CLSTN1: variants seen among roughly 807,000 people sequenced by gnomAD.
The protein encoded by CLSTN1 is calsyntenin-1.
In CLSTN1, 28 loss-of-function variants were observed where a neutral mutation model predicts 108.3. The ratio of observed to expected loss-of-function variants is 0.26; its 90% CI spans 0.19 to 0.35. CLSTN1 has a LOEUF of 0.35. Ranked by LOEUF, CLSTN1 falls within the 10% of genes least tolerant of loss-of-function variation. The probability of loss-of-function intolerance (pLI) is 1.00; values close to 1 mark genes in which losing one functional copy is unlikely to be tolerated. For missense variants in CLSTN1, 1,157 were observed against 1,302.6 expected, an observed-to-expected ratio of 0.89 and a Z score of 1.72; for synonymous variants, 524 against 534.9, an observed-to-expected ratio of 0.98 and a Z score of 0.28.
intron 1 of CLSTN1, among the ~76,000 whole-genome samples, chr1:9,802,822 G>C: frequency 9.2e-6 from 1 of 108,950 alleles, no homozygotes; most frequent in East Asian, 3.1e-4. Flanking sequence ...GATTTTCTTA[G>C]ATTTTTTTTT....
At chr1:9,809,968 G>A (rs906394342) in intron 1 of CLSTN1, among the ~76,000 whole-genome samples, 13 of 146,264 alleles carry the variant, frequency 8.9e-5, no homozygotes, top group Admixed American at 4.9e-4. Context: ...GAACCTGGGA[G>A]GCAGAGGCTG....
chr1:9,810,147 G>GGGAGGGAAGGGGGCAGGGAGGGA (rs201979365), intron 1 of CLSTN1, among the ~76,000 whole-genome samples: 1 of 3,382 alleles, frequency 3.0e-4, no homozygotes, highest in Non-Finnish European at 7.1e-4. Context: ...GAGGAAAGGA[G>GGGAGGGAAGGGGGCAGGGAGGGA]GGGAAGGAGG....
At chr1:9,817,291 T>C (rs1181996309) in intron 1 of CLSTN1, among the ~76,000 whole-genome samples, 1 of 152,172 alleles carries the variant, frequency 6.6e-6, no homozygotes, top group African/African-American at 2.4e-5. Flanking sequence ...TATCACATAC[T>C]TCTTATTGGG....
intron 2 of CLSTN1, among the ~76,000 whole-genome samples, chr1:9,769,196 C>T (rs72855710): frequency 0.012 from 1,851 of 151,772 alleles, 36 homozygotes; most frequent in African/African-American, 0.042. Context: ...AGGGATACGG[C>T]TGCAGGTCAG....
At chr1:9,808,979 G>A (rs1196882294) in intron 1 of CLSTN1, among the ~76,000 whole-genome samples, 1 of 151,852 alleles carries the variant, frequency 6.6e-6, no homozygotes, top group Non-Finnish European at 1.5e-5. Context: ...TCAGGCCTAA[G>A]CAACAACCAG....
intron 2 of CLSTN1, among the ~76,000 whole-genome samples, chr1:9,763,689 T>C (rs1652190608): frequency 6.6e-6 from 1 of 152,210 alleles, no homozygotes; most frequent in African/African-American, 2.4e-5. Flanking sequence ...CCATTCAGCC[T>C]AGCAATGGAA....
chr1:9,775,606 T>C, intron 1 of CLSTN1, among the ~76,000 whole-genome samples: 1 of 152,114 alleles, frequency 6.6e-6, no homozygotes, highest in East Asian at 1.9e-4. Context: ...ACAGCTCAAA[T>C]ATTTCCATTT....
At chr1:9,779,638 G>A (rs1433108992) in intron 1 of CLSTN1, among the ~76,000 whole-genome samples, 1 of 152,024 alleles carries the variant, frequency 6.6e-6, no homozygotes, top group Non-Finnish European at 1.5e-5. Flanking sequence ...TGTTGCCCAC[G>A]CTGGTGTCAA....
At position 9,735,216 on chromosome 1, in the gene CLSTN1, G is replaced by T. The variant is rs369413478; in HGVS notation, c.1884-42C>A. 13 of 1,596,920 alleles carry T rather than the reference G, an allele frequency of 8.1e-6. No individual in the cohort carries two copies. In the East Asian group the frequency reaches 8.9e-5, roughly 11 times the overall value. Reference sequence around the variant, plus strand: ...GGGAAGGGTCAGGGCTTTGGGAGCCGATCTTGGAGCCCACCTGTGCAAAGG... The same window carrying T: ...GGGAAGGGTCAGGGCTTTGGGAGCCTATCTTGGAGCCCACCTGTGCAAAGG... On this transcript the variant is annotated intron_variant, in intron 13 of 18. Coordinates refer to ENST00000377298, the MANE Select transcript of CLSTN1 (RefSeq NM_001009566.3).
At chr1:9,816,590 T>C (rs113670342) in intron 1 of CLSTN1, among the ~76,000 whole-genome samples, 7,070 of 151,860 alleles carry the variant, frequency 0.047, 244 homozygotes, top group Middle Eastern at 0.089. Flanking sequence ...TTTTTGTTTG[T>C]TTGTTTGAGA....
intron 3 of CLSTN1, among the ~76,000 whole-genome samples, chr1:9,755,983 C>T (rs1002243557): frequency 1.4e-4 from 22 of 152,170 alleles, no homozygotes; most frequent in African/African-American, 5.3e-4. Flanking sequence ...GCTAGACTTG[C>T]CTTTGTTTCG....
intron 5 of CLSTN1, 61 bp downstream of exon 5, chr1:9,751,412 A>G (rs1486193538): frequency 1.3e-6 from 2 of 1,527,452 alleles, no homozygotes; most frequent in Admixed American, 1.7e-5. Context: ...CTGGGGTGTA[A>G]AGTCAGTGGG....
At chr1:9,769,048 G>GGAGGGAGGGA (rs200900029) in intron 2 of CLSTN1, among the ~76,000 whole-genome samples, 1 of 144,644 alleles carries the variant, frequency 6.9e-6, no homozygotes, top group Admixed American at 6.8e-5. Context: ...AGGGGAAAAG[G>GGAGGGAGGGA]GAGGGAGGGA....
Position 9,749,896 on chromosome 1 carries a change from CTG to C in CLSTN1, c.665_666del (p.Thr222ArgfsTer12), listed in dbSNP as rs1330369877. ...TGTTCTTTCCCGTAGTTTAATTTCT[CTG>C]TGTTTTTTATATAACCTTACAGAGG... ...TVDKDGYIKN[T>X]EKLNYGKEHQ... is the part of the protein sequence containing the mutation. On this transcript the variant is annotated frameshift_variant, in exon 6 of 19. Transcript: ENST00000377298. LOFTEE classifies it high-confidence loss of function. 1 of 1,613,902 alleles carries C rather than the reference CTG, an allele frequency of 6.2e-7. No individual in the cohort carries two copies. The highest frequency in any genetic ancestry group is 1.1e-5 in the South Asian group (1 of 91,064).
In CLSTN1 at chr1:9,756,471, C is replaced by T. The variant is rs779497964; in HGVS notation, c.244+10G>A. ...TATTCATAAGAGGGGAAGAAAGAACCCTTTATCACCTTCTTTGGTGACTGT... is the reference window on the plus strand; with the variant it reads ...TATTCATAAGAGGGGAAGAAAGAACTCTTTATCACCTTCTTTGGTGACTGT... On this transcript the variant is annotated intron_variant, in intron 3 of 18. Transcript: ENST00000377298. The T allele has an allele frequency of 4.3e-6, 7 of 1,610,670 alleles. No individual in the cohort carries two copies. Among genetic ancestry groups the T allele is most frequent in the Admixed American group, 1.7e-5 (1 of 59,844 alleles).
chr1:9,731,664 G>T, intron 17 of CLSTN1, 97 bp downstream of exon 17: 1 of 1,244,154 alleles, frequency 8.0e-7, no homozygotes, highest in Non-Finnish European at 1.2e-6. Flanking sequence ...GGGAAAGACC[G>T]GCGGTCATGC....
chr1:9,810,310 T>C (rs1456105959), intron 1 of CLSTN1, among the ~76,000 whole-genome samples: 1 of 150,380 alleles, frequency 6.6e-6, no homozygotes, highest in African/African-American at 2.5e-5. Flanking sequence ...ACCCCATCTC[T>C]ACTAAAAATA....
At position 9,781,246 on chromosome 1, in the gene CLSTN1, T is replaced by C. The variant is rs1216199414; in HGVS notation, c.92-7852A>G. 29 of 764,550 alleles carry C rather than the reference T, an allele frequency of 3.8e-5. 1 individual carries two copies. The South Asian group carries it at 4.4e-4, about 12-fold the overall frequency. The allele number at this position is 764,550 out of a possible 1,614,324, so 47.4% of individuals were successfully genotyped here. ...CTGAAAATATGACAAGCTGATTTTC[T>C]GGGGAAATTCTGATGAGATATGTCA... On this transcript the variant is annotated intron_variant, in intron 1 of 18. Transcript: ENST00000377298.
At chr1:9,806,207 T>C (rs1156529843) in intron 1 of CLSTN1, among the ~76,000 whole-genome samples, 1 of 148,804 alleles carries the variant, frequency 6.7e-6, no homozygotes, top group Admixed American at 6.7e-5. Flanking sequence ...GGAGAATCGT[T>C]TGAACCCAGG....
Sources: allele counts gnomAD v4.1 joint callset (sites outside exome capture counted in the v4.1 genomes callset), GRCh38; gene constraint gnomAD v4.1.1; transcripts MANE v1.5; gene names NCBI Gene and HGNC (gene_info 2026-07-23, HGNC 2026-07-21).